SH3KBP1: variants seen among roughly 807,000 people sequenced by gnomAD.
The protein encoded by SH3KBP1 is SH3 domain containing kinase binding protein 1, also known as SH3 domain-containing kinase-binding protein 1.
In SH3KBP1, 8 loss-of-function variants were observed where a neutral mutation model predicts 50.1. That is an observed-to-expected ratio of 0.16 (90% CI 0.09 to 0.29). The LOEUF (loss-of-function observed/expected upper bound fraction) is 0.29, where lower values mean the gene tolerates loss of function less well. Among genes scored for constraint, SH3KBP1 ranks in the 10% least tolerant of loss-of-function variants. The pLI, the probability that SH3KBP1 is intolerant of heterozygous loss-of-function variation, is 1.00. For synonymous variants in SH3KBP1, 227 were observed against 218.6 expected, an observed-to-expected ratio of 1.04 and a Z score of -0.34; for missense variants, 377 against 535.2, an observed-to-expected ratio of 0.70 and a Z score of 2.92.
At chrX:19,626,488 T>C (rs764399665) in intron 8 of SH3KBP1, among the ~76,000 whole-genome samples, 1 of 111,647 alleles carries the variant, frequency 9.0e-6, no homozygotes, top group Non-Finnish European at 1.9e-5. Context: ...CAGTGGATAA[T>C]CCTCATGGTC....
intron 5 of SH3KBP1, chrX:19,687,625 C>T (rs1035012237): frequency 5.8e-6 from 7 of 1,202,515 alleles, no homozygotes; most frequent in African/African-American, 3.5e-5. Context: ...ACTGTAATAG[C>T]GTCTGTGGCC....
Position 19,886,766 on chromosome X carries a change from G to A in SH3KBP1, c.4+541C>T, listed in dbSNP as rs1235616604. On this transcript the variant is annotated intron_variant, in intron 1 of 17. Coordinates refer to ENST00000397821, the MANE Select transcript of SH3KBP1 (RefSeq NM_031892.3). Reference sequence around the variant, plus strand: ...GAGCGTCAGGTGCTCTGGACCCCGGGACTGCGAGCCAGACCAGGAACTGGG... The same window carrying A: ...GAGCGTCAGGTGCTCTGGACCCCGGAACTGCGAGCCAGACCAGGAACTGGG... Among the ~76,000 whole-genome samples the A allele has an allele frequency of 2.7e-5, 3 of 109,995 alleles. No individual in the cohort carries two copies. In the East Asian group the frequency reaches 8.8e-4, roughly 32 times the overall value.
Position 19,800,656 on chromosome X carries a change from C to T in SH3KBP1, c.162+35469G>A, listed in dbSNP as rs765821677. Reference sequence around the variant, plus strand: ...AAAACTGTTCAAAGGTAAACTTCAGCGAACTTCTTGACCAAATTATCAGAA... The same window carrying T: ...AAAACTGTTCAAAGGTAAACTTCAGTGAACTTCTTGACCAAATTATCAGAA... On this transcript the variant is annotated intron_variant, in intron 2 of 17. Transcript: ENST00000397821. 5.3e-5 allele frequency among the ~76,000 whole-genome samples: 6 copies of T among 112,285 alleles called. No individual in the cohort carries two copies. In the Admixed American group the frequency reaches 5.7e-4, roughly 11 times the overall value.
At chrX:19,636,146 G>A (rs1330337765) in intron 7 of SH3KBP1, among the ~76,000 whole-genome samples, 2 of 110,377 alleles carry the variant, frequency 1.8e-5, no homozygotes, top group South Asian at 3.8e-4. Flanking sequence ...CACACATAGA[G>A]AGAGAGAGAG....
At chrX:19,679,813 A>T (rs2063005015) in intron 6 of SH3KBP1, among the ~76,000 whole-genome samples, 1 of 112,349 alleles carries the variant, frequency 8.9e-6, no homozygotes, top group African/African-American at 3.2e-5. Flanking sequence ...TAAATATTTC[A>T]GTTAAATGGT....
At chrX:19,825,440 C>G (rs1036915179) in intron 2 of SH3KBP1, among the ~76,000 whole-genome samples, 1 of 112,042 alleles carries the variant, frequency 8.9e-6, no homozygotes, top group African/African-American at 3.2e-5. Flanking sequence ...CGCTTGAGCT[C>G]AGGTTGCAGA....
At position 19,756,872 on chromosome X, in the gene SH3KBP1, T is replaced by TA. The variant is rs10707274; in HGVS notation, c.163-10432dup. On this transcript the variant is annotated intron_variant, in intron 2 of 17. Coordinates refer to ENST00000397821, the MANE Select transcript of SH3KBP1 (RefSeq NM_031892.3). ...CAATCACCAAGACATGTTGCTAGGTTAAAAAAAAAAAAAAAAAGCCTAACG... is the reference window on the plus strand; with the variant it reads ...CAATCACCAAGACATGTTGCTAGGTTAAAAAAAAAAAAAAAAAAGCCTAACG... 2.1e-3 allele frequency among the ~76,000 whole-genome samples: 180 copies of TA among 85,571 alleles called. 2 individuals carry two copies. Among genetic ancestry groups the TA allele is most frequent in the South Asian group, 9.3e-3 (17 of 1,831 alleles). The allele number at this position is 85,571 out of a possible 115,157, so 74.3% of individuals were successfully genotyped here.
chrX:19,830,632 C>A (rs1261498554), intron 2 of SH3KBP1, among the ~76,000 whole-genome samples: 7 of 108,146 alleles, frequency 6.5e-5, no homozygotes, highest in Non-Finnish European at 1.3e-4. Context: ...TGTGGTGGCT[C>A]ACACCTGTGG....
At chrX:19,835,019 C>A (rs184157863) in intron 2 of SH3KBP1, among the ~76,000 whole-genome samples, 1,596 of 88,957 alleles carry the variant, frequency 0.018, 39 homozygotes, top group African/African-American at 0.063. Context: ...CCAACCTGGG[C>A]AACAGAGCAA....
chrX:19,648,913 C>T (rs755942829), intron 6 of SH3KBP1, among the ~76,000 whole-genome samples: 1 of 111,669 alleles, frequency 9.0e-6, no homozygotes, highest in Admixed American at 9.5e-5. Flanking sequence ...ACATCTTTGG[C>T]TAATTGGGCT....
intron 3 of SH3KBP1, among the ~76,000 whole-genome samples, chrX:19,709,449 T>C (rs1048626992): frequency 1.8e-5 from 2 of 112,136 alleles, no homozygotes; most frequent in African/African-American, 6.5e-5. Flanking sequence ...TGGGCAATCA[T>C]TTTGCAAATG....
chrX:19,621,543 C>T lies in SH3KBP1; in HGVS notation c.897+10321G>A, dbSNP rs896226536. ...CCCATGGGCCAGGTCTAGCCTGCCA[C>T]CTATTTCTCTATGGTCCACAAACTA... On this transcript the variant is annotated intron_variant, in intron 8 of 17. Coordinates refer to ENST00000397821, the MANE Select transcript of SH3KBP1 (RefSeq NM_031892.3). Among the ~76,000 whole-genome samples, 5 of 111,223 alleles carry T rather than the reference C, an allele frequency of 4.5e-5. No individual in the cohort carries two copies. In the Admixed American group the frequency reaches 4.8e-4, roughly 11 times the overall value.
At chrX:19,603,598 T>C (rs2067157313) in intron 9 of SH3KBP1, among the ~76,000 whole-genome samples, 1 of 112,771 alleles carries the variant, frequency 8.9e-6, no homozygotes, top group Admixed American at 9.3e-5. Flanking sequence ...TGACTTGCAC[T>C]AACACTGAAG....
Position 19,569,208 on chromosome X carries a change from C to T in SH3KBP1, c.1299-20G>A. ...TCACCCCTACATTAAAAACACAAGC[C>T]CAGACATTTAATAATTGGTGTGTGT... is the stretch of plus-strand genomic sequence containing the variant. On this transcript the variant is annotated intron_variant, in intron 12 of 17. Transcript: ENST00000397821. The T allele has an allele frequency of 6.0e-6, 7 of 1,163,184 alleles. No individual in the cohort carries two copies. The highest frequency in any genetic ancestry group is 7.0e-6 in the Non-Finnish European group (6 of 851,318).
chrX:19,728,428 T>A (rs1439097580), intron 3 of SH3KBP1, among the ~76,000 whole-genome samples: 1 of 112,202 alleles, frequency 8.9e-6, no homozygotes, highest in Non-Finnish European at 1.9e-5. Flanking sequence ...GCAATCAAGC[T>A]GAGTAAAGAC....
At chrX:19,617,807 A>G (rs969938753) in intron 8 of SH3KBP1, among the ~76,000 whole-genome samples, 1 of 112,225 alleles carries the variant, frequency 8.9e-6, no homozygotes, top group Non-Finnish European at 1.9e-5. Context: ...CACCCTGGAG[A>G]GCTGAAGAAA....
intron 13 of SH3KBP1, 54 bp from the exon 14 acceptor site, chrX:19,550,137 T>C (rs962449425): frequency 5.2e-6 from 4 of 766,639 alleles, no homozygotes; most frequent in Non-Finnish European, 8.0e-6. Context: ...AAGACTCTTA[T>C]GATATGTCAT....
chrX:19,560,528 A>G (rs1256217490), intron 13 of SH3KBP1, among the ~76,000 whole-genome samples: 4 of 111,153 alleles, frequency 3.6e-5, no homozygotes, highest in Non-Finnish European at 7.5e-5. Flanking sequence ...TGCTGGCCTC[A>G]AGTGATCCCT....
At chrX:19,830,072 C>T (rs1441960995) in intron 2 of SH3KBP1, among the ~76,000 whole-genome samples, 2 of 111,234 alleles carry the variant, frequency 1.8e-5, no homozygotes, top group Admixed American at 1.9e-4. Context: ...TTCTTTACTG[C>T]AACCTGTTTT....
Sources: gnomAD v4.1 joint callset for allele counts (sites outside exome capture counted in the v4.1 genomes callset) on GRCh38, gnomAD v4.1.1 for gene constraint, MANE v1.5 for transcripts, NCBI Gene and HGNC (gene_info 2026-07-23, HGNC 2026-07-21) for gene names.